The following SNTG1 variants were observed in gnomAD, a reference collection of about 807,000 sequenced individuals.
SNTG1 encodes gamma-1-syntrophin.
Under a neutral mutation model 74.7 loss-of-function variants are expected in SNTG1, and 39 were observed. The ratio of observed to expected loss-of-function variants is 0.52; its 90% CI spans 0.40 to 0.68. The LOEUF (loss-of-function observed/expected upper bound fraction) is 0.68, where lower values mean the gene tolerates loss of function less well. Among genes scored for constraint, SNTG1 ranks in the 30% least tolerant of loss-of-function variants. SNTG1 has a pLI of 0.00. For synonymous variants in SNTG1, 254 were observed against 217.1 expected (o/e 1.17, Z -1.49); for missense variants, 685 against 609.5 (o/e 1.12, Z -1.30).
chr8:50,017,391 A>G (rs539535761), intron 1 of SNTG1, among the ~76,000 whole-genome samples: 113 of 152,214 alleles, frequency 7.4e-4, no homozygotes, highest in African/African-American at 2.4e-3. Context: ...TAGAAAACAA[A>G]TAGCAAATAA....
intron 8 of SNTG1, among the ~76,000 whole-genome samples, chr8:50,461,731 G>GTTTGT (rs71233497): frequency 0.86 from 129,492 of 150,996 alleles, 55,651 homozygotes; most frequent in Non-Finnish European, 0.89. Flanking sequence ...TTGTTTGTTT[G>GTTTGT]TTTGTTTTGT....
chr8:49,980,179 T>C (rs1357932454), intron 1 of SNTG1, among the ~76,000 whole-genome samples: 1 of 152,180 alleles, frequency 6.6e-6, no homozygotes, highest in Admixed American at 6.5e-5. Context: ...TTCCCAGTTC[T>C]CCTCCAGCGC....
At chr8:50,108,862 G>T (rs1024891601) in intron 1 of SNTG1, among the ~76,000 whole-genome samples, 1 of 152,056 alleles carries the variant, frequency 6.6e-6, no homozygotes, top group Non-Finnish European at 1.5e-5. Flanking sequence ...GGAGTCTGAA[G>T]GAAACTTTGA....
chr8:50,436,900 A>G (rs186187298), intron 4 of SNTG1, among the ~76,000 whole-genome samples: 248 of 152,240 alleles, frequency 1.6e-3, no homozygotes, highest in African/African-American at 5.7e-3. Flanking sequence ...GTTTTGCGAT[A>G]TAAATTCTAA....
intron 1 of SNTG1, among the ~76,000 whole-genome samples, chr8:50,021,285 C>T (rs1055709961): frequency 2.0e-5 from 3 of 152,146 alleles, no homozygotes; most frequent in Admixed American, 2.0e-4. Context: ...CATTGTTTCT[C>T]ACCACCTTTA....
Position 50,566,473 on chromosome 8 carries a change from A to T in SNTG1, c.810+13294A>T, listed in dbSNP as rs143907818. Among the ~76,000 whole-genome samples the T allele has an allele frequency of 3.0e-3, 464 of 152,136 alleles. 1 individual carries two copies. Among genetic ancestry groups the T allele is most frequent in the Non-Finnish European group, 5.4e-3 (369 of 67,920 alleles). On this transcript the variant is annotated intron_variant, in intron 12 of 18. Coordinates refer to ENST00000642720, the MANE Select transcript of SNTG1 (RefSeq NM_018967.5). Reference sequence around the variant, plus strand: ...CTTTTATAAGTCTACAACGTTTGTGATATTAATTGACCAAGTAATAAAACT... The same window carrying T: ...CTTTTATAAGTCTACAACGTTTGTGTTATTAATTGACCAAGTAATAAAACT...
chr8:50,567,445 T>C (rs143194612), intron 12 of SNTG1, among the ~76,000 whole-genome samples: 143 of 152,274 alleles, frequency 9.4e-4, no homozygotes, highest in African/African-American at 3.3e-3. Flanking sequence ...TATTTAGATA[T>C]ATTTTGTTAC....
At chr8:50,518,894 A>C (rs1252161815) in intron 9 of SNTG1, among the ~76,000 whole-genome samples, 3 of 152,210 alleles carry the variant, frequency 2.0e-5, no homozygotes, top group Non-Finnish European at 4.4e-5. Flanking sequence ...AGCTGGCACC[A>C]TTCCTTCTGA....
At chr8:50,759,925 T>G (rs530569877) in intron 18 of SNTG1, among the ~76,000 whole-genome samples, 16 of 152,214 alleles carry the variant, frequency 1.1e-4, no homozygotes, top group Non-Finnish European at 1.9e-4. Context: ...AATCTATAAA[T>G]TACTTTGGGC....
chr8:50,779,212 T>G (rs957218039), intron 18 of SNTG1, among the ~76,000 whole-genome samples: 2 of 152,212 alleles, frequency 1.3e-5, no homozygotes, highest in Admixed American at 1.3e-4. Flanking sequence ...ATATGAACTT[T>G]AAAGTAGTTT....
intron 1 of SNTG1, among the ~76,000 whole-genome samples, chr8:49,923,605 A>T (rs528136863): frequency 4.3e-4 from 66 of 152,278 alleles, no homozygotes; most frequent in African/African-American, 1.5e-3. Flanking sequence ...GGAAGATGGC[A>T]CTTAAATACA....
intron 2 of SNTG1, among the ~76,000 whole-genome samples, chr8:50,305,077 A>T (rs1282663478): frequency 6.6e-6 from 1 of 151,226 alleles, no homozygotes; most frequent in Non-Finnish European, 1.5e-5. Context: ...TAATTTTTGT[A>T]TTTTTTGGAG....
At chr8:50,355,208 C>T (rs2131029804) in intron 2 of SNTG1, among the ~76,000 whole-genome samples, 1 of 151,670 alleles carries the variant, frequency 6.6e-6, no homozygotes, top group Admixed American at 6.6e-5. Context: ...AAAAATTAAG[C>T]CAAGCAGCTA....
At chr8:50,743,560 T>C (rs2095548535) in intron 17 of SNTG1, among the ~76,000 whole-genome samples, 1 of 148,566 alleles carries the variant, frequency 6.7e-6, no homozygotes, top group Non-Finnish European at 1.5e-5. Context: ...ACTGAAAGTT[T>C]TCTCCTAAAT....
At chr8:50,589,278 A>G (rs2094675537) in intron 12 of SNTG1, among the ~76,000 whole-genome samples, 1 of 152,222 alleles carries the variant, frequency 6.6e-6, no homozygotes, top group Non-Finnish European at 1.5e-5. Context: ...AAAACAAAAA[A>G]TTATAATATA....
chr8:50,147,358 G>A (rs2081907896), intron 1 of SNTG1, among the ~76,000 whole-genome samples: 1 of 152,082 alleles, frequency 6.6e-6, no homozygotes, highest in African/African-American at 2.4e-5. Context: ...AGAAACATCA[G>A]AAAAATAACT....
chr8:50,415,939 TG>T (rs1307437806), intron 4 of SNTG1, among the ~76,000 whole-genome samples: 1 of 152,136 alleles, frequency 6.6e-6, no homozygotes, highest in Non-Finnish European at 1.5e-5. Context: ...ATGATAACGA[TG>T]GGTGATTATG....
chr8:50,611,417 G>A (rs1585842197), intron 13 of SNTG1, among the ~76,000 whole-genome samples: 1 of 152,102 alleles, frequency 6.6e-6, no homozygotes, highest in Admixed American at 6.5e-5. Flanking sequence ...GTGGGGAGGG[G>A]TAGGGAACTG....
intron 15 of SNTG1, among the ~76,000 whole-genome samples, chr8:50,683,144 G>A (rs558216376): frequency 1.3e-3 from 201 of 152,270 alleles, no homozygotes; most frequent in African/African-American, 4.3e-3. Context: ...CTGGAACAGC[G>A]CCTGGCACAC....
Sources: allele counts gnomAD v4.1 joint callset (sites outside exome capture counted in the v4.1 genomes callset), GRCh38; gene constraint gnomAD v4.1.1; transcripts MANE v1.5; gene names NCBI Gene and HGNC (gene_info 2026-07-23, HGNC 2026-07-21).